The following CDH13 variants were observed in gnomAD, a reference collection of about 807,000 sequenced individuals.
The protein encoded by CDH13 is cadherin 13.
Under a neutral mutation model 63.8 loss-of-function variants are expected in CDH13, and 24 were observed. The ratio of observed to expected loss-of-function variants is 0.38; its 90% CI spans 0.27 to 0.53. CDH13 has a LOEUF of 0.53. Ranked by LOEUF, CDH13 falls within the 20% of genes least tolerant of loss-of-function variation. The probability of loss-of-function intolerance (pLI) is 0.85; values close to 1 mark genes in which losing one functional copy is unlikely to be tolerated. For synonymous variants in CDH13, 503 were observed against 355.3 expected (o/e 1.42, Z -4.67); for missense variants, 1,049 against 903.1 (o/e 1.16, Z -2.07).
At chr16:83,526,450 T>C (rs1567737526) in intron 7 of CDH13, among the ~76,000 whole-genome samples, 1 of 152,152 alleles carries the variant, frequency 6.6e-6, no homozygotes, top group African/African-American at 2.4e-5. Flanking sequence ...CTTTAGATTC[T>C]CATAAGGAGC....
At chr16:82,651,913 A>G (rs1910764716) in intron 1 of CDH13, among the ~76,000 whole-genome samples, 1 of 152,234 alleles carries the variant, frequency 6.6e-6, no homozygotes, top group South Asian at 2.1e-4. Flanking sequence ...GTCCAGGGAA[A>G]AGCAGGAGGG....
At chr16:82,795,126 G>A (rs1344612465) in intron 1 of CDH13, among the ~76,000 whole-genome samples, 3 of 152,174 alleles carry the variant, frequency 2.0e-5, no homozygotes, top group African/African-American at 7.2e-5. Flanking sequence ...GTGTGGGAAG[G>A]AGTCCATCTT....
chr16:83,744,272 G>C (rs1912358408), intron 10 of CDH13, among the ~76,000 whole-genome samples: 1 of 152,184 alleles, frequency 6.6e-6, no homozygotes, highest in Admixed American at 6.5e-5. Context: ...GCCTCGCACA[G>C]ACCTAGTGAG....
chr16:83,288,115 T>A (rs552639110), intron 5 of CDH13, among the ~76,000 whole-genome samples: 3 of 152,216 alleles, frequency 2.0e-5, no homozygotes, highest in Non-Finnish European at 4.4e-5. Flanking sequence ...GTAATTGCGA[T>A]TTTTAAAAAT....
At chr16:83,754,752 T>TCC (rs1567574277) in intron 11 of CDH13, among the ~76,000 whole-genome samples, 1 of 152,086 alleles carries the variant, frequency 6.6e-6, no homozygotes, top group African/African-American at 2.4e-5. Context: ...GATTGTGAGG[T>TCC]TTCCCCAGCC....
At chr16:83,290,197 C>G (rs527649380) in intron 5 of CDH13, among the ~76,000 whole-genome samples, 6 of 152,272 alleles carry the variant, frequency 3.9e-5, no homozygotes, top group South Asian at 2.1e-4. Flanking sequence ...CGGGAACTAA[C>G]CACATTCAAT....
chr16:83,660,620 G>T (rs1232943620), intron 8 of CDH13, among the ~76,000 whole-genome samples: 3 of 152,264 alleles, frequency 2.0e-5, no homozygotes, highest in Non-Finnish European at 4.4e-5. Flanking sequence ...ACTAGAATTT[G>T]CCCCACTTCA....
At position 83,020,936 on chromosome 16, in the gene CDH13, C is replaced by T. The variant is rs191381225; in HGVS notation, c.158-11074C>T. Among the ~76,000 whole-genome samples, 17 of 152,360 alleles carry T rather than the reference C, an allele frequency of 1.1e-4. No individual in the cohort carries two copies. In the East Asian group the frequency reaches 2.9e-3, roughly 26 times the overall value. Reference sequence around the variant, plus strand: ...GCAAGGCCAAACACCCTGAAAGTTGCAGTGGAGTAAAGCTCTCTTCACATT... The same window carrying T: ...GCAAGGCCAAACACCCTGAAAGTTGTAGTGGAGTAAAGCTCTCTTCACATT... On this transcript the variant is annotated intron_variant, in intron 2 of 13. Coordinates refer to ENST00000567109, the MANE Select transcript of CDH13 (RefSeq NM_001257.5).
chr16:83,312,594 CTG>C (rs1440929553), intron 5 of CDH13, among the ~76,000 whole-genome samples: 3 of 152,284 alleles, frequency 2.0e-5, no homozygotes, highest in Admixed American at 1.3e-4. Context: ...GGAAACAACA[CTG>C]TGACTGACAC....
At chr16:83,500,311 TCTCC>T (rs2074245867) in intron 7 of CDH13, among the ~76,000 whole-genome samples, 1 of 1,028 alleles carries the variant, frequency 9.7e-4, no homozygotes, top group African/African-American at 1.1e-3. Flanking sequence ...TCCTTCTCCT[TCTCC>T]TTCTCCTCCT....
intron 6 of CDH13, among the ~76,000 whole-genome samples, chr16:83,357,800 G>T (rs1157198485): frequency 6.6e-6 from 1 of 152,218 alleles, no homozygotes; most frequent in Non-Finnish European, 1.5e-5. Context: ...TGGCAGGAGA[G>T]ATGCTACAAA....
intron 1 of CDH13, among the ~76,000 whole-genome samples, chr16:82,655,506 A>G (rs1911194961): frequency 6.6e-6 from 1 of 152,136 alleles, no homozygotes; most frequent in Admixed American, 6.5e-5. Flanking sequence ...GTCGGGTCCA[A>G]GAGTAGGAGA....
chr16:82,745,950 C>A (rs960568444), intron 1 of CDH13, among the ~76,000 whole-genome samples: 11 of 152,056 alleles, frequency 7.2e-5, no homozygotes, highest in Non-Finnish European at 1.3e-4. Context: ...ATATTGCCAA[C>A]TGCTTTTCAA....
intron 2 of CDH13, among the ~76,000 whole-genome samples, chr16:82,959,022 G>C: frequency 6.6e-6 from 1 of 152,368 alleles, no homozygotes; most frequent in African/African-American, 2.4e-5. Flanking sequence ...ACATCAGACA[G>C]TATTTTGGCG....
In CDH13 at chr16:82,644,103, T is replaced by A. The variant is rs1463770542; in HGVS notation, c.45+16966T>A. On this transcript the variant is annotated intron_variant, in intron 1 of 13. Transcript: ENST00000567109. The surrounding 1 kb of genome is among the most constrained non-coding windows in gnomAD (Gnocchi z 5.7). ...GGGAGAAAGAGGAGAGAAATCTAAT[T>A]GATATGCTAATTGTCATTGTACTCA... Among the ~76,000 whole-genome samples the A allele has an allele frequency of 6.6e-6, 1 of 152,024 alleles. No individual in the cohort carries two copies. The highest frequency in any genetic ancestry group is 6.5e-5 in the Admixed American group (1 of 15,272).
chr16:82,811,473 C>A lies in CDH13; in HGVS notation c.46-46889C>A, dbSNP rs573167818. Among the ~76,000 whole-genome samples the A allele has an allele frequency of 3.2e-4, 49 of 152,180 alleles. No homozygotes were observed. The South Asian group carries it at 7.0e-3, about 22-fold the overall frequency. On this transcript the variant is annotated intron_variant, in intron 1 of 13. Transcript: ENST00000567109. ...GAAATGTGATATAATAACTTTTTTC[C>A]TATAACTGGTGACAAACACAGGTTC...
intron 4 of CDH13, among the ~76,000 whole-genome samples, chr16:83,147,897 G>A (rs2036818346): frequency 6.6e-6 from 1 of 152,130 alleles, no homozygotes; most frequent in African/African-American, 2.4e-5. Flanking sequence ...TTAGTATGAA[G>A]GTAAGGAGCC....
At chr16:82,635,391 G>A (rs1267676832) in intron 1 of CDH13, among the ~76,000 whole-genome samples, 1 of 152,200 alleles carries the variant, frequency 6.6e-6, no homozygotes, top group South Asian at 2.1e-4. Context: ...CCAGGAAGAA[G>A]GCACAGTCTG....
chr16:83,130,388 A>G (rs977073234), intron 4 of CDH13, among the ~76,000 whole-genome samples: 1 of 152,220 alleles, frequency 6.6e-6, no homozygotes, highest in African/African-American at 2.4e-5. Context: ...ATCCTCAGGA[A>G]ATACTAAGCC....
Sources: gnomAD v4.1 joint callset for allele counts (sites outside exome capture counted in the v4.1 genomes callset) on GRCh38, gnomAD v4.1.1 for gene constraint, Gnocchi (gnomAD v3.1) non-coding constraint, MANE v1.5 for transcripts, NCBI Gene and HGNC (gene_info 2026-07-23, HGNC 2026-07-21) for gene names.